NRXN3: variants seen among roughly 807,000 people sequenced by gnomAD.
NRXN3 encodes the protein neurexin III.
In NRXN3, 32 loss-of-function variants were observed where a neutral mutation model predicts 137.6. That is an observed-to-expected ratio of 0.23 (90% confidence interval 0.18 to 0.31). The LOEUF (loss-of-function observed/expected upper bound fraction) is 0.31, where lower values mean the gene tolerates loss of function less well. Ranked by LOEUF, NRXN3 falls within the 10% of genes least tolerant of loss-of-function variation. The probability of loss-of-function intolerance (pLI) is 1.00; values close to 1 mark genes in which losing one functional copy is unlikely to be tolerated. For missense variants in NRXN3, 1,574 were observed against 2,062.5 expected (o/e 0.76, Z 4.59); for synonymous variants, 798 against 784.5 (o/e 1.02, Z -0.29).
At chr14:79,100,772 A>G (rs2051136353) in intron 15 of NRXN3, among the ~76,000 whole-genome samples, 1 of 152,132 alleles carries the variant, frequency 6.6e-6, no homozygotes, top group Non-Finnish European at 1.5e-5. Flanking sequence ...ACACCCTCAA[A>G]TGGGGACATG....
At chr14:78,353,553 T>C (rs2083858364) in intron 4 of NRXN3, among the ~76,000 whole-genome samples, 2 of 152,098 alleles carry the variant, frequency 1.3e-5, no homozygotes. Context: ...TGGGGTCACA[T>C]TGGTGATCAG....
At chr14:79,163,900 CAACAAT>C (rs1177940737) in intron 15 of NRXN3, among the ~76,000 whole-genome samples, 1 of 143,618 alleles carries the variant, frequency 7.0e-6, no homozygotes, top group Non-Finnish European at 1.6e-5. Context: ...CCAACAACAA[CAACAAT>C]AATATTTTCT....
intron 15 of NRXN3, among the ~76,000 whole-genome samples, chr14:79,319,191 A>G (rs2089506186): frequency 6.6e-6 from 1 of 152,238 alleles, no homozygotes; most frequent in Admixed American, 6.5e-5. Context: ...TTAAATTAAA[A>G]GTATTCCCAG....
At chr14:78,324,446 A>C (rs1395821393) in intron 4 of NRXN3, among the ~76,000 whole-genome samples, 4 of 152,068 alleles carry the variant, frequency 2.6e-5, no homozygotes, top group Non-Finnish European at 4.4e-5. Flanking sequence ...CAGTGATCTG[A>C]GAGTGTTTTT....
intron 4 of NRXN3, among the ~76,000 whole-genome samples, chr14:78,304,174 T>A (rs1483818125): frequency 1.3e-5 from 2 of 152,176 alleles, no homozygotes; most frequent in African/African-American, 4.8e-5. Context: ...TAAGACCACG[T>A]GTTCTGGCTC....
At chr14:78,552,406 A>C (rs2096700632) in intron 4 of NRXN3, among the ~76,000 whole-genome samples, 1 of 152,214 alleles carries the variant, frequency 6.6e-6, no homozygotes, top group Non-Finnish European at 1.5e-5. Context: ...GAAAGGGAGA[A>C]GGGCTATTCA....
intron 10 of NRXN3, among the ~76,000 whole-genome samples, chr14:78,816,956 G>A (rs908571684): frequency 6.6e-6 from 1 of 152,098 alleles, no homozygotes; most frequent in African/African-American, 2.4e-5. Context: ...CATGACTTTG[G>A]TGACAACTTA....
rs201364025 is a variant in NRXN3, at chr14:79,547,197, G to A, written c.3444+79795G>A. ...AATAACCTTTAATTTCTGAAGATCGGGTGCTCTTATAAAACATCAGTACTT... is the reference window on the plus strand; with the variant it reads ...AATAACCTTTAATTTCTGAAGATCGAGTGCTCTTATAAAACATCAGTACTT... On this transcript the variant is annotated intron_variant, in intron 16 of 20. Coordinates refer to ENST00000335750, the MANE Select transcript of NRXN3 (RefSeq NM_001330195.2). 2.6e-5 allele frequency among the ~76,000 whole-genome samples: 4 copies of A among 152,058 alleles called. No homozygotes were observed. In the East Asian group the frequency reaches 7.7e-4, roughly 29 times the overall value.
At chr14:79,738,553 T>TTTTTG (rs985866330) in intron 19 of NRXN3, among the ~76,000 whole-genome samples, 3 of 152,032 alleles carry the variant, frequency 2.0e-5, no homozygotes, top group Admixed American at 1.3e-4. Flanking sequence ...AATAAATGTG[T>TTTTTG]TTTTGTTTTG....
intron 19 of NRXN3, among the ~76,000 whole-genome samples, chr14:79,743,560 A>T (rs1158248574): frequency 6.6e-6 from 1 of 152,178 alleles, no homozygotes; most frequent in Non-Finnish European, 1.5e-5. Context: ...GGTTCTGAGA[A>T]ATAAAGATTT....
chr14:78,562,542 G>C (rs1461696216), intron 4 of NRXN3, among the ~76,000 whole-genome samples: 1 of 152,024 alleles, frequency 6.6e-6, no homozygotes, highest in Admixed American at 6.6e-5. Context: ...TGACCACACT[G>C]TGAGAAGCCC....
chr14:79,113,319 T>G (rs1204041172), intron 15 of NRXN3, among the ~76,000 whole-genome samples: 1 of 152,104 alleles, frequency 6.6e-6, no homozygotes, highest in Non-Finnish European at 1.5e-5. Context: ...ACTGGGGCAG[T>G]CTAACTTGGG....
chr14:79,478,701 G>A (rs1387110424), intron 16 of NRXN3, among the ~76,000 whole-genome samples: 2 of 152,162 alleles, frequency 1.3e-5, no homozygotes, highest in South Asian at 2.1e-4. Context: ...AAATAAAGTC[G>A]TTTTTATATC....
chr14:78,245,703 T>C (rs1234360729), intron 2 of NRXN3, among the ~76,000 whole-genome samples: 2 of 152,236 alleles, frequency 1.3e-5, no homozygotes, highest in South Asian at 2.1e-4. Flanking sequence ...AGAGGTCTTG[T>C]CATGCATGGG....
At chr14:79,860,644 A>G (rs2099412228) in intron 20 of NRXN3, among the ~76,000 whole-genome samples, 2 of 152,224 alleles carry the variant, frequency 1.3e-5, no homozygotes, top group Admixed American at 1.3e-4. Context: ...GAAATCTTAA[A>G]CGCATGTTAA....
At chr14:78,966,488 T>A in intron 12 of NRXN3, 82 bp downstream of exon 12, 1 of 1,422,340 alleles carries the variant, frequency 7.0e-7, no homozygotes, top group Non-Finnish European at 9.6e-7. Context: ...AAAAATAACT[T>A]GTCTATTCTA....
At chr14:79,441,034 A>G (rs1420660874) in intron 15 of NRXN3, among the ~76,000 whole-genome samples, 3 of 152,226 alleles carry the variant, frequency 2.0e-5, no homozygotes, top group Admixed American at 2.0e-4. Flanking sequence ...CTGATAATTG[A>G]CCAATGTGGC....
At chr14:79,513,699 C>G (rs769046099) in intron 16 of NRXN3, among the ~76,000 whole-genome samples, 1 of 152,104 alleles carries the variant, frequency 6.6e-6, no homozygotes. Context: ...ACTTCAGGAG[C>G]TAATCAGAGC....
At chr14:79,048,510 G>A (rs2152561843) in intron 15 of NRXN3, among the ~76,000 whole-genome samples, 1 of 152,230 alleles carries the variant, frequency 6.6e-6, no homozygotes, top group Non-Finnish European at 1.5e-5. Context: ...ACACTATTCT[G>A]TAGTCTTTTA....
Sources: allele counts gnomAD v4.1 joint callset (sites outside exome capture counted in the v4.1 genomes callset), GRCh38; gene constraint gnomAD v4.1.1; transcripts MANE v1.5; gene names NCBI Gene and HGNC (gene_info 2026-07-23, HGNC 2026-07-21).